The following CORO2A variants were observed in gnomAD, a reference collection of about 807,000 sequenced individuals.
CORO2A encodes coronin-2A.
In CORO2A, 47 loss-of-function variants were observed where a neutral mutation model predicts 62.4. That is an observed-to-expected ratio of 0.75 (90% CI 0.60 to 0.96). The LOEUF is 0.96. CORO2A is among the 40% of genes least tolerant of loss of function. The probability of loss-of-function intolerance (pLI) is 0.00; values close to 1 mark genes in which losing one functional copy is unlikely to be tolerated. For synonymous variants in CORO2A, 273 were observed against 268.9 expected (o/e 1.02, Z -0.15); for missense variants, 610 against 684.1 (o/e 0.89, Z 1.21).
chr9:98,158,033 G>A (rs1827831277), intron 1 of CORO2A, among the ~76,000 whole-genome samples: 1 of 152,176 alleles, frequency 6.6e-6, no homozygotes. Context: ...AGGTACCAAT[G>A]TGCTGTCTGG....
At chr9:98,190,598 ACGT>A (rs1828294559) in intron 1 of CORO2A, among the ~76,000 whole-genome samples, 1 of 152,166 alleles carries the variant, frequency 6.6e-6, no homozygotes, top group African/African-American at 2.4e-5. Flanking sequence ...GAATGAGACG[ACGT>A]CTGAAGGCTC....
intron 11 of CORO2A, among the ~76,000 whole-genome samples, 200 bp from the exon 12 acceptor site, chr9:98,125,105 A>G (rs142470791): frequency 6.6e-6 from 1 of 152,340 alleles, no homozygotes; most frequent in African/African-American, 2.4e-5. Context: ...GAAGACTGGA[A>G]TGTTTCAGAT....
At chr9:98,132,458 C>T (rs976547026) in intron 5 of CORO2A, among the ~76,000 whole-genome samples, 157 bp from the exon 6 acceptor site, 3 of 152,206 alleles carry the variant, frequency 2.0e-5, no homozygotes, top group Non-Finnish European at 4.4e-5. Context: ...GGGGCACCAC[C>T]TGGATCCCTC....
intron 2 of CORO2A, among the ~76,000 whole-genome samples, chr9:98,141,460 T>A (rs780251536): frequency 1.7e-4 from 26 of 151,244 alleles, no homozygotes; most frequent in Non-Finnish European, 3.5e-4. Flanking sequence ...CAAGCAATTC[T>A]CCCTGCCTCG....
At chr9:98,175,299 G>A (rs1425951815) in intron 1 of CORO2A, among the ~76,000 whole-genome samples, 1 of 152,126 alleles carries the variant, frequency 6.6e-6, no homozygotes, top group African/African-American at 2.4e-5. Context: ...TTCAGGACAT[G>A]CCTGGACGAT....
At chr9:98,135,223 A>C (rs2118817912) in intron 3 of CORO2A, among the ~76,000 whole-genome samples, 1 of 152,262 alleles carries the variant, frequency 6.6e-6, no homozygotes, top group East Asian at 1.9e-4. Flanking sequence ...TCTGCCCTTG[A>C]GAGATCTTTG....
At chr9:98,149,950 G>GAC (rs10666189) in intron 2 of CORO2A, among the ~76,000 whole-genome samples, 66,011 of 149,336 alleles carry the variant, frequency 0.44, 14,700 homozygotes, top group East Asian at 0.59. Context: ...TTTTTTTTGA[G>GAC]AGAGTCTCGC....
chr9:98,139,024 C>T (rs1247065653), intron 2 of CORO2A, among the ~76,000 whole-genome samples: 7 of 139,246 alleles, frequency 5.0e-5, no homozygotes, highest in African/African-American at 1.6e-4. Context: ...TACAGCCTGG[C>T]GACAGAGCAA....
rs756373300 is a variant in CORO2A, at chr9:98,130,988, G to A, written c.837C>T (p.Asp279=). The A allele has an allele frequency of 1.7e-5, 27 of 1,613,844 alleles. No individual in the cohort carries two copies. In the African/African-American group the frequency reaches 2.3e-4, roughly 14 times the overall value. ...GSSGVLFPFY[D]ADTSMLYVVG... ...CCACGTAGAGCATGCTGGTGTCCGC[G>A]TCATAGAAGGGAAACAGCACGCCCG... The change falls in exon 7 of 12, where the codon GAC becomes GAT. Residue 279 remains aspartate (D), a synonymous_variant. Transcript: ENST00000375077.
chr9:98,165,564 G>A (rs1394727018), intron 1 of CORO2A, among the ~76,000 whole-genome samples: 3 of 152,192 alleles, frequency 2.0e-5, no homozygotes, highest in Non-Finnish European at 4.4e-5. Context: ...ACCTCTCAGG[G>A]AAATGACCAA....
intron 1 of CORO2A, 123 bp from the exon 2 acceptor site, chr9:98,157,783 C>G (rs569159250): frequency 4.9e-6 from 4 of 809,814 alleles, no homozygotes; most frequent in Non-Finnish European, 7.9e-6. Context: ...TCAACGTGGA[C>G]GGTGATGCAC....
intron 1 of CORO2A, among the ~76,000 whole-genome samples, chr9:98,190,934 G>A (rs1828298805): frequency 6.6e-6 from 1 of 152,228 alleles, no homozygotes; most frequent in Non-Finnish European, 1.5e-5. Context: ...GCAGGGCAAG[G>A]TCATAGGCAC....
At chr9:98,188,897 C>T (rs1828272475) in intron 1 of CORO2A, among the ~76,000 whole-genome samples, 1 of 152,128 alleles carries the variant, frequency 6.6e-6, no homozygotes. Context: ...GAACATAAAG[C>T]ACTTAGGACA....
intron 1 of CORO2A, among the ~76,000 whole-genome samples, chr9:98,160,866 C>A (rs547794357): frequency 6.9e-4 from 105 of 152,272 alleles, no homozygotes; most frequent in African/African-American, 2.5e-3. Context: ...TCATGGGAGG[C>A]AGTGATGTGT....
At chr9:98,132,022 G>A (rs1235256672) in intron 6 of CORO2A, among the ~76,000 whole-genome samples, 163 bp downstream of exon 6, 1 of 152,172 alleles carries the variant, frequency 6.6e-6, no homozygotes, top group African/African-American at 2.4e-5. Flanking sequence ...GCTCGCCCGG[G>A]GCTGTCAGCA....
In CORO2A at chr9:98,179,200, C is replaced by A. The variant is rs1936434863; in HGVS notation, c.-1+13359G>T. ...GACATCTGCGGACTGGGAAGAAACC[C>A]TTCCCTAGGCTCTGGAAGGTCCTAC... On this transcript the variant is annotated intron_variant, in intron 1 of 11. Transcript: ENST00000375077. Among the ~76,000 whole-genome samples the A allele has an allele frequency of 2.0e-5, 3 of 152,298 alleles. No homozygotes were observed. In the South Asian group the frequency reaches 6.2e-4, roughly 32 times the overall value.
At chr9:98,167,503 T>G (rs1249158513) in intron 1 of CORO2A, among the ~76,000 whole-genome samples, 1 of 152,216 alleles carries the variant, frequency 6.6e-6, no homozygotes, top group Non-Finnish European at 1.5e-5. Context: ...TACATATATT[T>G]TTTAAAAGAT....
chr9:98,138,542 A>G, intron 2 of CORO2A, among the ~76,000 whole-genome samples: 1 of 152,246 alleles, frequency 6.6e-6, no homozygotes, highest in Non-Finnish European at 1.5e-5. Flanking sequence ...TTCATGCAGC[A>G]GAATACTACT....
At chr9:98,161,943 GGAGT>G (rs1415936831) in intron 1 of CORO2A, among the ~76,000 whole-genome samples, 1 of 152,212 alleles carries the variant, frequency 6.6e-6, no homozygotes, top group Admixed American at 6.5e-5. Context: ...CCATCCAGGA[GGAGT>G]GAGGAGGCCG....
Sources: gnomAD v4.1 joint callset for allele counts (sites outside exome capture counted in the v4.1 genomes callset) on GRCh38, gnomAD v4.1.1 for gene constraint, MANE v1.5 for transcripts, NCBI Gene and HGNC (gene_info 2026-07-23, HGNC 2026-07-21) for gene names.